Variants in ASPRV1 observed in about 807,000 individuals in gnomAD.
ASPRV1 encodes the protein retroviral-like aspartic protease 1.
A neutral mutation model predicts 11.0 loss-of-function variants in ASPRV1; 7 were observed. The observed-to-expected ratio is 0.64, with a 90% confidence interval of 0.36 to 1.20. The LOEUF is 1.20. ASPRV1 is among the 50% of genes most tolerant of loss of function. The pLI, the probability that ASPRV1 is intolerant of heterozygous loss-of-function variation, is 0.02. For missense variants in ASPRV1, 299 were observed against 320.0 expected (o/e 0.93, Z 0.50); for synonymous variants, 136 against 138.4 (o/e 0.98, Z 0.12).
the ASPRV1 span, among the ~76,000 whole-genome samples, chr2:70,080,220 C>T: frequency 6.9e-6 from 1 of 144,048 alleles, no homozygotes; most frequent in African/African-American, 2.8e-5. Context: ...TAGGCTGTGC[C>T]CTGCCCCTTC....
At chr2:70,010,620 G>A in the ASPRV1 span, among the ~76,000 whole-genome samples, 5 of 152,122 alleles carry the variant, frequency 3.3e-5, no homozygotes, top group African/African-American at 1.2e-4. Flanking sequence ...TATTTAACAG[G>A]GAAATTAAAT....
chr2:70,004,643 G>A, the ASPRV1 span, among the ~76,000 whole-genome samples: 1 of 151,802 alleles, frequency 6.6e-6, no homozygotes, highest in African/African-American at 2.4e-5. Context: ...GACTACCTGA[G>A]TCATTAAGAA....
the ASPRV1 span, among the ~76,000 whole-genome samples, chr2:69,997,308 G>A: frequency 2.6e-5 from 4 of 151,382 alleles, no homozygotes; most frequent in Non-Finnish European, 2.9e-5. Context: ...CATCTCCTCC[G>A]CACCAACATC....
chr2:69,973,914 C>T, the ASPRV1 span, among the ~76,000 whole-genome samples: 1 of 152,306 alleles, frequency 6.6e-6, no homozygotes, highest in South Asian at 2.1e-4. Flanking sequence ...CCCACTGTGG[C>T]TGATTTCAAT....
the ASPRV1 span, among the ~76,000 whole-genome samples, chr2:69,999,122 G>A: frequency 7.6e-4 from 116 of 152,182 alleles, no homozygotes; most frequent in African/African-American, 2.7e-3. Context: ...TGGAAACAGG[G>A]TTTCACTACG....
At chr2:69,965,669 C>T (rs989751174), upstream of ASPRV1, among the ~76,000 whole-genome samples, 4 of 152,172 alleles carry the variant, frequency 2.6e-5, no homozygotes, top group Non-Finnish European at 5.9e-5. Context: ...CCTGCAGTTT[C>T]CTTATCCCCA....
At chr2:70,063,834 T>A in the ASPRV1 span, 1 of 152,230 alleles carries the variant, frequency 6.6e-6, no homozygotes, top group Admixed American at 6.5e-5. Flanking sequence ...ATGATTTAAG[T>A]AATCCCCAAG....
At chr2:69,971,576 T>C in the ASPRV1 span, among the ~76,000 whole-genome samples, 1 of 152,178 alleles carries the variant, frequency 6.6e-6, no homozygotes, top group African/African-American at 2.4e-5. Context: ...GAAGGTAAAA[T>C]AACAAAGATA....
the ASPRV1 span, among the ~76,000 whole-genome samples, chr2:70,061,417 A>T: frequency 9.9e-5 from 15 of 151,962 alleles, no homozygotes; most frequent in Admixed American, 6.6e-5. Context: ...AAACAAAAAA[A>T]AACCTAGGGA....
chr2:70,084,773 ATG>A, the ASPRV1 span, among the ~76,000 whole-genome samples: 1 of 152,246 alleles, frequency 6.6e-6, no homozygotes, highest in Non-Finnish European at 1.5e-5. Context: ...TTTTTTAAAA[ATG>A]TGAGACACTG....
the ASPRV1 span, among the ~76,000 whole-genome samples, chr2:69,934,404 ACT>A: frequency 1.3e-5 from 2 of 152,082 alleles, no homozygotes; most frequent in East Asian, 3.9e-4. Context: ...AGTTGGAGCA[ACT>A]CTCGTGCTCT....
chr2:70,022,699 T>C, the ASPRV1 span, among the ~76,000 whole-genome samples: 2 of 151,730 alleles, frequency 1.3e-5, no homozygotes, highest in East Asian at 3.9e-4. Context: ...AAAAAAAAAA[T>C]AACACAAGCA....
chr2:69,987,986 G>A, the ASPRV1 span, among the ~76,000 whole-genome samples: 11 of 152,318 alleles, frequency 7.2e-5, no homozygotes, highest in South Asian at 8.3e-4. Flanking sequence ...GGGTGCACCC[G>A]TGATGAAGAG....
At chr2:69,964,573 G>C, upstream of ASPRV1, 1 of 267,192 alleles carries the variant, frequency 3.7e-6, no homozygotes, top group Non-Finnish European at 7.5e-6. Flanking sequence ...GCCAGGGCAG[G>C]CCAGGTGCCA....
At chr2:69,949,834 G>C in the ASPRV1 span, among the ~76,000 whole-genome samples, 1 of 151,960 alleles carries the variant, frequency 6.6e-6, no homozygotes, top group Non-Finnish European at 1.5e-5. Context: ...TTTGTTTCTT[G>C]AGACAGAGTC....
chr2:70,004,528 C>CAAA, the ASPRV1 span, among the ~76,000 whole-genome samples: 176 of 52,662 alleles, frequency 3.3e-3, no homozygotes, highest in Non-Finnish European at 4.2e-3. Context: ...AACTCCATCT[C>CAAA]AAAAAAAAAA....
the ASPRV1 span, among the ~76,000 whole-genome samples, chr2:70,034,374 G>T: frequency 6.6e-6 from 1 of 150,960 alleles, no homozygotes; most frequent in Non-Finnish European, 1.5e-5. Context: ...TTCAAGACTA[G>T]CCTGGCCAAC....
At chr2:70,029,237 G>A in the ASPRV1 span, among the ~76,000 whole-genome samples, 3 of 152,110 alleles carry the variant, frequency 2.0e-5, no homozygotes, top group Non-Finnish European at 4.4e-5. Flanking sequence ...TTTGGCCAAG[G>A]GACTGACAGA....
At chr2:70,019,634 T>C in the ASPRV1 span, among the ~76,000 whole-genome samples, 2 of 152,200 alleles carry the variant, frequency 1.3e-5, no homozygotes, top group South Asian at 2.1e-4. Context: ...ACCTGGAGGA[T>C]ACTATGTCAA....
Sources: gnomAD v4.1 joint callset for allele counts (sites outside exome capture counted in the v4.1 genomes callset) on GRCh38, gnomAD v4.1.1 for gene constraint, MANE v1.5 for transcripts, NCBI Gene and HGNC (gene_info 2026-07-23, HGNC 2026-07-21) for gene names.